DUOX2: variants seen among roughly 807,000 people sequenced by gnomAD.
DUOX2 encodes NADH/NADPH thyroid oxidase p138-tox.
A neutral mutation model predicts 183.3 loss-of-function variants in DUOX2; 185 were observed. The ratio of observed to expected loss-of-function variants is 1.01; its 90% CI spans 0.90 to 1.14. The LOEUF is 1.14. DUOX2 is among the 50% of genes most tolerant of loss of function. The pLI is 0.00. For synonymous variants in DUOX2, 788 were observed against 812.4 expected, an observed-to-expected ratio of 0.97 and a Z score of 0.51; for missense variants, 1,999 against 2,022.9, an observed-to-expected ratio of 0.99 and a Z score of 0.23.
chr15:45,109,504 C>T lies in DUOX2; in HGVS notation c.1234+20G>A. On this transcript the variant is annotated intron_variant, in intron 11 of 33. Transcript: ENST00000389039. ...GCTTCCTGGTCCCTTACCATCCACC[C>T]CTTCTGGCTCTGAGCTCACCCCTCA... 5 of 1,612,254 alleles carry T rather than the reference C, an allele frequency of 3.1e-6. No individual in the cohort carries two copies. The highest frequency in any genetic ancestry group is 4.2e-6 in the Non-Finnish European group (5 of 1,178,380).
intron 11 of DUOX2, 46 bp downstream of exon 11, chr15:45,109,478 G>A: frequency 6.3e-7 from 1 of 1,580,970 alleles, no homozygotes; most frequent in Non-Finnish European, 8.7e-7. Context: ...GGGATCCTCA[G>A]GCTTCCTGGT....
chr15:45,101,918 C>T lies in DUOX2; in HGVS notation c.2726G>A (p.Arg909Gln), dbSNP rs771789022. 16 of 1,614,090 alleles carry T rather than the reference C, an allele frequency of 9.9e-6. No individual in the cohort carries two copies. Among genetic ancestry groups the T allele is most frequent in the East Asian group, 2.2e-5 (1 of 44,888 alleles). Reference protein sequence around the residue: ...QLAEVVESMFRESGFQDKEEL... With the variant: ...QLAEVVESMFQESGFQDKEEL... Reference sequence around the variant, plus strand: ...CTCCTTGTCCTGGAATCCCGACTCCCGGAACATAGACTCCACCACCTCGGC... The same window carrying T: ...CTCCTTGTCCTGGAATCCCGACTCCTGGAACATAGACTCCACCACCTCGGC... The change falls in exon 21 of 34, where the codon CGG becomes CAG. Residue 909 changes from arginine to glutamine, a missense_variant. Coordinates refer to ENST00000389039, the MANE Select transcript of DUOX2 (RefSeq NM_001363711.2).
At position 45,099,219 on chromosome 15, in the gene DUOX2, C is replaced by T. The variant is rs559932612; in HGVS notation, c.3515+164G>A. On this transcript the variant is annotated intron_variant, in intron 26 of 33. Transcript: ENST00000389039. ...TAGAGACGGGGTTTCACCGTGTTAG[C>T]CAGGATGGTCTCGATCTCCTGACCT... 25 of 588,552 alleles carry T rather than the reference C, an allele frequency of 4.2e-5. No individual in the cohort carries two copies. In the East Asian group the frequency reaches 7.5e-4, roughly 18 times the overall value. The allele number at this position is 588,552 out of a possible 1,614,324, so 36.5% of individuals were successfully genotyped here. A position where few individuals can be genotyped will look rare whatever the true frequency, so the allele number is the denominator to read the frequency against.
Position 45,103,992 on chromosome 15 carries a change from G to A in DUOX2, c.2622C>T (p.Phe874=), listed in dbSNP as rs1447488750. 1.2e-6 allele frequency: 2 copies of A among 1,614,168 alleles called. No individual in the cohort carries two copies. The highest frequency in any genetic ancestry group is 1.7e-6 in the Non-Finnish European group (2 of 1,180,038). Residue 874 remains phenylalanine, a synonymous_variant, in exon 20 of 34, where the codon TTC becomes TTT. Coordinates refer to ENST00000389039, the MANE Select transcript of DUOX2 (RefSeq NM_001363711.2). ...TGGTGAAGAATTCGTCCTTGGAGAG[G>A]AAGCCATTCTCATCCAGGTCATACA... ...FTMYDLDENG[F]LSKDEFFTMM...
chr15:45,114,167 C>T lies in DUOX2; in HGVS notation c.-209G>A. 2 of 310,962 alleles carry T rather than the reference C, an allele frequency of 6.4e-6. No individual in the cohort carries two copies. Among genetic ancestry groups the T allele is most frequent in the Non-Finnish European group, 6.3e-6 (1 of 159,108 alleles). 19.3% of individuals were successfully genotyped at this position (310,962 alleles called of 1,614,324 possible). A position where few individuals can be genotyped will look rare whatever the true frequency, so the allele number is the denominator to read the frequency against. On this transcript the variant is annotated 5_prime_UTR_variant, in exon 1 of 34. Transcript: ENST00000389039. ...GTGTCGGCTCAGGACAGACCTGCGCCAGTGTGAGCATCTGGACCTAGGGCT... is the reference window on the plus strand; with the variant it reads ...GTGTCGGCTCAGGACAGACCTGCGCTAGTGTGAGCATCTGGACCTAGGGCT...
chr15:45,099,841 C>G lies in DUOX2; in HGVS notation c.3236G>C (p.Gly1079Ala), dbSNP rs765882486. The part of the protein sequence containing the change: ...PSDIAQTTLV[G>A]IILSRGTAAS... ...CGCCGTGCCTCGTGACAGGATGATG[C>G]CCACGAGGGTGGTCTGTGCAATGTC... Residue 1079 changes from glycine to alanine, a missense_variant, in exon 25 of 34, where the codon GGC (glycine) becomes GCC (alanine). This residue lies in a region of DUOX2 where 1,628 missense variants were observed against 1,608.6 expected (regional missense o/e 1.01). Coordinates refer to ENST00000389039, the MANE Select transcript of DUOX2 (RefSeq NM_001363711.2). 6.2e-7 allele frequency: 1 copy of G among 1,614,206 alleles called. No individual in the cohort carries two copies. The highest frequency in any genetic ancestry group is 8.5e-7 in the Non-Finnish European group (1 of 1,180,042).
At position 45,106,827 on chromosome 15, in the gene DUOX2, C is replaced by G. The variant is rs201688711; in HGVS notation, c.1831+5G>C. The G allele has an allele frequency of 3.9e-5, 63 of 1,597,086 alleles. No individual in the cohort carries two copies. In the Admixed American group the frequency reaches 1.1e-3, roughly 27 times the overall value. ...AGTCTGCAGAGAGGCTGCCTAAGAG[C>G]TCACCTAAGGGAAGGCAGCAGAGAG... On this transcript the variant is annotated splice_donor_5th_base_variant and intron_variant, in intron 15 of 33. Coordinates refer to ENST00000389039, the MANE Select transcript of DUOX2 (RefSeq NM_001363711.2).
chr15:45,106,408 G>A, intron 16 of DUOX2, 81 bp from the exon 17 acceptor site: 1 of 1,593,954 alleles, frequency 6.3e-7, no homozygotes, highest in Non-Finnish European at 8.6e-7. Flanking sequence ...CTGTGAGTCT[G>A]AGCAGGCGCC....
rs1398009943 is a variant in DUOX2, at chr15:45,097,700, A to G, written c.3607T>C (p.Tyr1203His). The change falls in exon 28 of 34, where the codon TAT becomes CAT. Residue 1203 changes from tyrosine to histidine, a missense_variant. Tyr to His is a moderately conservative substitution (Grantham distance 83). This residue lies in a region of DUOX2 where 1,628 missense variants were observed against 1,608.6 expected (regional missense o/e 1.01). Transcript: ENST00000389039. ...VLLLLVLAIMYVFASHHFRRR... is the reference protein window; with the variant it reads ...VLLLLVLAIMHVFASHHFRRR... The stretch of plus-strand genomic sequence containing the variant: ...CGGAAGTGGTGGGAGGCGAAGACAT[A>G]CATGATGGCCAGGACCAGGAGCAGA... The G allele has an allele frequency of 1.2e-6, 2 of 1,614,252 alleles. No individual in the cohort carries two copies. Among genetic ancestry groups the G allele is most frequent in the Non-Finnish European group, 8.5e-7 (1 of 1,180,040 alleles).
chr15:45,101,520 G>A, intron 21 of DUOX2: 1 of 625,838 alleles, frequency 1.6e-6, no homozygotes, highest in South Asian at 1.9e-5. Context: ...AAGAAACAAT[G>A]CCTCTTCCTC....
Position 45,104,049 on chromosome 15 carries a change from G to A in DUOX2, c.2565C>T (p.Ser855=), listed in dbSNP as rs746807603. 8.7e-6 allele frequency: 14 copies of A among 1,613,994 alleles called. No homozygotes were observed. Among genetic ancestry groups the A allele is most frequent in the Middle Eastern group, 3.3e-4 (2 of 6,084 alleles). The change falls in exon 20 of 34, where the codon TCC becomes TCT. Residue 855 remains serine, a synonymous_variant. Transcript: ENST00000389039. ...LDILVVFMKG[S]PEDKSRLMFT... ...ACATTAGACGGGACTTATCCTCTGG[G>A]GAGCCTGGGAAGAAAAAAGGGAATG...
At position 45,108,213 on chromosome 15, in the gene DUOX2, C is replaced by T. The variant is rs1260563369; in HGVS notation, c.1408G>A (p.Ala470Thr). 1 of 1,614,006 alleles carries T rather than the reference C, an allele frequency of 6.2e-7. No individual in the cohort carries two copies. Among genetic ancestry groups the T allele is most frequent in the East Asian group, 2.2e-5 (1 of 44,906 alleles). The stretch of plus-strand genomic sequence containing the variant: ...TCCTGGTTGTACAGGGCAGCTGTGG[C>T]CTCCAGCACCTGGGGCACCACAGGA... ...NPNVDPQVLE[A>T]TAALYNQDLS... Residue 470 changes from alanine to threonine, a missense_variant, in exon 13 of 34, where the codon GCC becomes ACC. Ala to Thr is a moderately conservative substitution (Grantham distance 58). Transcript: ENST00000389039.
chr15:45,101,612 G>A, intron 21 of DUOX2, 181 bp downstream of exon 21: 1 of 725,618 alleles, frequency 1.4e-6, no homozygotes, highest in Non-Finnish European at 2.4e-6. Flanking sequence ...GACCTCAGTG[G>A]GTATCATTGT....
intron 28 of DUOX2, 102 bp downstream of exon 28, chr15:45,097,512 C>T: frequency 6.2e-7 from 1 of 1,612,454 alleles, no homozygotes; most frequent in Non-Finnish European, 8.5e-7. Context: ...TCTTAAATCT[C>T]AAAGTCTCAT....
At position 45,095,812 on chromosome 15, in the gene DUOX2, T is replaced by TC. The variant is rs1566971127; in HGVS notation, c.4080+15dup. On this transcript the variant is annotated intron_variant, in intron 30 of 33. Coordinates refer to ENST00000389039, the MANE Select transcript of DUOX2 (RefSeq NM_001363711.2). ...AGTGCCAGAGGCCCGGAAGCAGGGT[T>TC]CCCAGTGACGGGCACCTTTGGGTAT... The TC allele has an allele frequency of 6.2e-7, 1 of 1,609,496 alleles. No homozygotes were observed.
Position 45,094,603 on chromosome 15 carries a change from A to G in DUOX2, c.4484T>C (p.Phe1495Ser). Residue 1495 changes from phenylalanine to serine, a missense_variant, in exon 33 of 34, where the codon TTC (phenylalanine) becomes TCC (serine). By Grantham distance (155) the Phe-to-Ser change is radical. Coordinates refer to ENST00000389039, the MANE Select transcript of DUOX2 (RefSeq NM_001363711.2). ...CTGCAGGGAGTTGAAGAAGGGCTCG[A>G]AGGGGGGACGGCCAAAGTGGGTGAT... Reference protein sequence around the residue: ...RSITHFGRPPFEPFFNSLQEV... With the variant: ...RSITHFGRPPSEPFFNSLQEV... 1 of 1,614,060 alleles carries G rather than the reference A, an allele frequency of 6.2e-7. No homozygotes were observed. Among genetic ancestry groups the G allele is most frequent in the South Asian group, 1.1e-5 (1 of 91,060 alleles).
chr15:45,100,433 C>A, intron 23 of DUOX2: 2 of 612,718 alleles, frequency 3.3e-6, no homozygotes, highest in Non-Finnish European at 5.7e-6. Context: ...TGTCTCCCTG[C>A]TACTCCCCCT....
chr15:45,112,948 G>A (rs74367551), intron 3 of DUOX2, 39 bp downstream of exon 3: 7 of 1,606,800 alleles, frequency 4.4e-6, no homozygotes, highest in Non-Finnish European at 4.3e-6. Flanking sequence ...GGCCCTTCGC[G>A]AGCCACGGCC....
Position 45,106,567 on chromosome 15 carries a change from C to G in DUOX2, c.1906G>C (p.Glu636Gln), listed in dbSNP as rs764745583. The change falls in exon 16 of 34, where the codon GAG becomes CAG. Residue 636 changes from glutamate to glutamine, a missense_variant. Around this residue, in one of 3 missense-constraint regions of DUOX2, gnomAD observed 1,628 missense variants for 1,608.6 expected, o/e 1.01. Transcript: ENST00000389039. ...EHKKLQKKLK[E>Q]SVKKEAAKDG... ...TTGGCTGCTTCCTTCTTCACGCTCT[C>G]TTTGAGTTTCTTTTGTAGCTTCTTG... 6.2e-7 allele frequency: 1 copy of G among 1,614,218 alleles called. No individual in the cohort carries two copies. The highest frequency in any genetic ancestry group is 8.5e-7 in the Non-Finnish European group (1 of 1,180,040).
Sources: gnomAD v4.1 joint callset for allele counts on GRCh38, gnomAD v4.1.1 for gene constraint, gnomAD v4.1.1 regional missense constraint, MANE v1.5 for transcripts, NCBI Gene and HGNC (gene_info 2026-07-23, HGNC 2026-07-21) for gene names.